WDR93: variants seen among roughly 807,000 people sequenced by gnomAD.
The protein encoded by WDR93 is WD repeat-containing protein 93.
WDR93 carries 73 observed loss-of-function variants against 82.9 expected under a neutral mutation model. That is an observed-to-expected ratio of 0.88 (90% CI 0.73 to 1.07). The LOEUF is 1.07. Ranked by LOEUF, WDR93 falls within the 50% of genes least tolerant of loss-of-function variation. WDR93 has a pLI of 0.00. For missense variants in WDR93, 738 were observed against 826.0 expected (o/e 0.89, Z 1.31); for synonymous variants, 283 against 300.1 (o/e 0.94, Z 0.59).
At chr15:89,725,685 C>T (rs1966710834) in intron 8 of WDR93, among the ~76,000 whole-genome samples, 1 of 151,978 alleles carries the variant, frequency 6.6e-6, no homozygotes, top group African/African-American at 2.4e-5. Flanking sequence ...ACCTCAGCCT[C>T]CCAAGTAGCT....
chr15:89,712,637 G>T (rs1422577449), intron 5 of WDR93, among the ~76,000 whole-genome samples: 3 of 151,982 alleles, frequency 2.0e-5, no homozygotes, highest in Non-Finnish European at 2.9e-5. Context: ...CAACAGAGGT[G>T]ACAAGCTTTT....
chr15:89,691,907 A>G (rs1162445478), intron 1 of WDR93, among the ~76,000 whole-genome samples: 4 of 152,164 alleles, frequency 2.6e-5, no homozygotes, highest in Non-Finnish European at 4.4e-5. Flanking sequence ...GTTTTCCTAC[A>G]TTGACAAATA....
At chr15:89,741,144 AAAAT>A (rs1323882467) in intron 16 of WDR93, among the ~76,000 whole-genome samples, 2 of 151,800 alleles carry the variant, frequency 1.3e-5, no homozygotes, top group South Asian at 2.1e-4. Flanking sequence ...TGTCTCAAAA[AAAAT>A]AAATAAATAA....
intron 4 of WDR93, among the ~76,000 whole-genome samples, chr15:89,707,015 G>GA (rs1965755147): frequency 6.6e-6 from 1 of 152,132 alleles, no homozygotes; most frequent in Non-Finnish European, 1.5e-5. Flanking sequence ...CATAGACTGG[G>GA]AGAATTCATT....
rs114536756 is a variant in WDR93 at position 89,741,461 on chromosome 15, C to G, written c.1962-1831C>G. Among the ~76,000 whole-genome samples, 784 of 152,276 alleles carry G rather than the reference C, an allele frequency of 5.1e-3. 8 individuals carry two copies. Among genetic ancestry groups the G allele is most frequent in the African/African-American group, 0.018 (738 of 41,570 alleles). On this transcript the variant is annotated intron_variant, in intron 16 of 16. Coordinates refer to ENST00000268130, the MANE Select transcript of WDR93 (RefSeq NM_020212.2). ...CAGGCTGGTCTTGAACTCTTAGGCT[C>G]AAGTGACCCTCCCACCTGGGCCTTA...
At chr15:89,699,598 CA>C (rs1965357517) in intron 1 of WDR93, among the ~76,000 whole-genome samples, 1 of 150,040 alleles carries the variant, frequency 6.7e-6, no homozygotes, top group African/African-American at 2.5e-5. Context: ...TTTATTAGGC[CA>C]CTTCAAATGA....
At chr15:89,728,789 C>T (rs758523130) in intron 9 of WDR93, among the ~76,000 whole-genome samples, 5 of 152,196 alleles carry the variant, frequency 3.3e-5, no homozygotes, top group African/African-American at 9.7e-5. Context: ...GAGCTCTGCA[C>T]ACCACACTGG....
Position 89,729,004 on chromosome 15 carries a change from G to C in WDR93, c.1053-19G>C. On this transcript the variant is annotated intron_variant, in intron 9 of 16. Coordinates refer to ENST00000268130, the MANE Select transcript of WDR93 (RefSeq NM_020212.2). ...CAGGGAGTCTACATGGCTCTGACTC[G>C]TGTGTCTTTCTTTCCCAGTACGGCC... 1 of 1,611,272 alleles carries C rather than the reference G, an allele frequency of 6.2e-7. No homozygotes were observed. Among genetic ancestry groups the C allele is most frequent in the Non-Finnish European group, 8.5e-7 (1 of 1,177,406 alleles).
At chr15:89,696,777 G>A (rs1480222009) in intron 1 of WDR93, among the ~76,000 whole-genome samples, 1 of 152,100 alleles carries the variant, frequency 6.6e-6, no homozygotes, top group East Asian at 1.9e-4. Flanking sequence ...TGATAGGTTA[G>A]TTTTAATACT....
At chr15:89,740,974 T>C (rs745983646) in intron 16 of WDR93, among the ~76,000 whole-genome samples, 24 of 152,036 alleles carry the variant, frequency 1.6e-4, no homozygotes, top group Non-Finnish European at 3.2e-4. Flanking sequence ...ACCCCGTCTC[T>C]ACTAAAAGTA....
intron 7 of WDR93, among the ~76,000 whole-genome samples, chr15:89,719,378 T>G (rs566478570): frequency 3.3e-5 from 5 of 152,366 alleles, no homozygotes; most frequent in African/African-American, 1.2e-4. Flanking sequence ...AACTACAAAT[T>G]CAACTCCTTT....
At position 89,731,466 on chromosome 15, in the gene WDR93, G is replaced by C. The variant is rs2141691441; in HGVS notation, c.1234G>C (p.Ala412Pro). ...AGACCCCGAGGGTGTGTGGCCCTGT[G>C]CTGCGCCCATTGCAGTCTCTCAGCT... ...KADPEGVWPC[A>P]APIAVSQLSC... Residue 412 changes from alanine (A) to proline (P), a missense_variant, in exon 12 of 17, where the codon GCT (alanine) becomes CCT (proline). Coordinates refer to ENST00000268130, the MANE Select transcript of WDR93 (RefSeq NM_020212.2). 6.2e-7 allele frequency: 1 copy of C among 1,614,184 alleles called. No individual in the cohort carries two copies. Among genetic ancestry groups the C allele is most frequent in the South Asian group, 1.1e-5 (1 of 91,082 alleles).
At chr15:89,735,202 G>A (rs1457983504) in intron 13 of WDR93, among the ~76,000 whole-genome samples, 2 of 152,054 alleles carry the variant, frequency 1.3e-5, no homozygotes, top group Non-Finnish European at 2.9e-5. Flanking sequence ...TATTTATTCT[G>A]CATCTTGCTT....
At chr15:89,728,971 C>A in intron 9 of WDR93, 52 bp from the exon 10 acceptor site, 1 of 1,513,806 alleles carries the variant, frequency 6.6e-7, no homozygotes, top group Non-Finnish European at 9.2e-7. Flanking sequence ...GCCAGCAGCT[C>A]TCCTTGCCAG....
At chr15:89,707,559 T>G (rs1303311843) in intron 4 of WDR93, among the ~76,000 whole-genome samples, 1 of 150,344 alleles carries the variant, frequency 6.7e-6, no homozygotes, top group Non-Finnish European at 1.5e-5. Context: ...AACACACAGA[T>G]ACACACAGAG....
intron 4 of WDR93, 141 bp from the exon 5 acceptor site, chr15:89,711,885 G>T: frequency 4.1e-6 from 2 of 487,588 alleles, no homozygotes; most frequent in Non-Finnish European, 7.2e-6. Flanking sequence ...AAAATGGGAA[G>T]TATGAAGCAG....
chr15:89,710,769 T>C (rs28494868), intron 4 of WDR93, among the ~76,000 whole-genome samples: 52,611 of 152,024 alleles, frequency 0.35, 9,412 homozygotes, highest in South Asian at 0.39. Flanking sequence ...TTAAATACTT[T>C]ATTGTCACAA....
chr15:89,714,690 A>C (rs1277225452), intron 5 of WDR93, among the ~76,000 whole-genome samples: 1 of 152,092 alleles, frequency 6.6e-6, no homozygotes, highest in Non-Finnish European at 1.5e-5. Flanking sequence ...TGGGCAGAAC[A>C]ATTTGGTTAA....
chr15:89,741,312 C>T (rs914293504), intron 16 of WDR93, among the ~76,000 whole-genome samples: 2 of 152,092 alleles, frequency 1.3e-5, no homozygotes, highest in Non-Finnish European at 2.9e-5. Context: ...CTCACTGCAG[C>T]CTTGACTTCC....
Sources: gnomAD v4.1 joint callset for allele counts (sites outside exome capture counted in the v4.1 genomes callset) on GRCh38, gnomAD v4.1.1 for gene constraint, MANE v1.5 for transcripts, NCBI Gene and HGNC (gene_info 2026-07-23, HGNC 2026-07-21) for gene names.